The following ATP6V1G3 variants were observed in gnomAD, a reference collection of about 807,000 sequenced individuals.
The protein encoded by ATP6V1G3 is ATPase H+ transporting V1 subunit G3, also known as V-type proton ATPase subunit G 3.
A neutral mutation model predicts 9.3 loss-of-function variants in ATP6V1G3; 9 were observed. The observed-to-expected ratio is 0.97, with a 90% CI of 0.59 to 1.69. ATP6V1G3 has a LOEUF of 1.69. Among genes scored for constraint, ATP6V1G3 ranks in the 40% most tolerant of loss-of-function variants. The pLI is 0.00. For missense variants in ATP6V1G3, 133 were observed against 139.0 expected (o/e 0.96, Z 0.22); for synonymous variants, 43 against 43.8 (o/e 0.98, Z 0.07).
At chr1:198,536,180 T>C (rs1660105037) in intron 1 of ATP6V1G3, among the ~76,000 whole-genome samples, 1 of 152,198 alleles carries the variant, frequency 6.6e-6, no homozygotes, top group Non-Finnish European at 1.5e-5. Flanking sequence ...GATGTTGAAT[T>C]GCATGCATTT....
At chr1:198,539,043 T>C (rs1347805678) in intron 1 of ATP6V1G3, among the ~76,000 whole-genome samples, 3 of 152,292 alleles carry the variant, frequency 2.0e-5, no homozygotes, top group Non-Finnish European at 4.4e-5. Flanking sequence ...TTTCCACACT[T>C]CGTTGTAGAA....
At chr1:198,529,959 C>A (rs1659830111) in intron 1 of ATP6V1G3, among the ~76,000 whole-genome samples, 1 of 152,026 alleles carries the variant, frequency 6.6e-6, no homozygotes, top group South Asian at 2.1e-4. Context: ...CTGTGGTAAT[C>A]ATTAGCTGAG....
intron 1 of ATP6V1G3, among the ~76,000 whole-genome samples, chr1:198,537,033 T>G (rs1462236741): frequency 1.3e-5 from 2 of 152,208 alleles, no homozygotes; most frequent in African/African-American, 4.8e-5. Context: ...TTTTATACTC[T>G]ACTACTTCCC....
In ATP6V1G3 at chr1:198,530,116, A is replaced by G. The variant is rs556470312; in HGVS notation, c.83-935T>C. ...AAACTTTAAAGAAATTCTGAACTACATTAAAATTCTTTTTTTCTATGAATC... is the reference window on the plus strand; with the variant it reads ...AAACTTTAAAGAAATTCTGAACTACGTTAAAATTCTTTTTTTCTATGAATC... On this transcript the variant is annotated intron_variant, in intron 1 of 2. Coordinates refer to ENST00000367382, the MANE Select transcript of ATP6V1G3 (RefSeq NM_001376861.1). Among the ~76,000 whole-genome samples, 4 of 152,306 alleles carry G rather than the reference A, an allele frequency of 2.6e-5. No individual in the cohort carries two copies. The East Asian group carries it at 7.7e-4, about 29-fold the overall frequency.
chr1:198,528,839 A>G (rs1185091217), intron 2 of ATP6V1G3, among the ~76,000 whole-genome samples: 1 of 151,848 alleles, frequency 6.6e-6, no homozygotes. Flanking sequence ...TTTTTAATAT[A>G]TACTATATAT....
At chr1:198,526,560 A>C (rs1295090275) in intron 2 of ATP6V1G3, among the ~76,000 whole-genome samples, 2 of 152,200 alleles carry the variant, frequency 1.3e-5, no homozygotes, top group Non-Finnish European at 2.9e-5. Flanking sequence ...TCAAAATGTC[A>C]GTGTTGAAAC....
intron 1 of ATP6V1G3, among the ~76,000 whole-genome samples, chr1:198,532,752 C>T (rs1392379561): frequency 6.6e-6 from 1 of 152,096 alleles, no homozygotes; most frequent in Admixed American, 6.6e-5. Context: ...AAGGGTCCTC[C>T]AGGCAGAGGG....
At chr1:198,533,218 C>T (rs1659976384) in intron 1 of ATP6V1G3, among the ~76,000 whole-genome samples, 1 of 151,266 alleles carries the variant, frequency 6.6e-6, no homozygotes, top group East Asian at 1.9e-4. Flanking sequence ...GCAGGAGAAT[C>T]GCTTGAACCC....
rs142697153 is a variant in ATP6V1G3 at position 198,527,377 on chromosome 1, A to T, written c.183+1704T>A. 4.5e-3 allele frequency among the ~76,000 whole-genome samples: 681 copies of T among 152,262 alleles called. 7 individuals are homozygous for T. Among genetic ancestry groups the T allele is most frequent in the African/African-American group, 0.016 (653 of 41,574 alleles). ...GATGAGGAGTTTTGATTATTTAATT[A>T]TTAACCAAAGCAGAAAACAAATAAC... On this transcript the variant is annotated intron_variant, in intron 2 of 2. Transcript: ENST00000367382.
chr1:198,532,303 A>T (rs896064407), intron 1 of ATP6V1G3, among the ~76,000 whole-genome samples: 2 of 152,196 alleles, frequency 1.3e-5, no homozygotes, highest in African/African-American at 4.8e-5. Context: ...GGAAGGTTGG[A>T]AGGAGCCAGT....
intron 1 of ATP6V1G3, among the ~76,000 whole-genome samples, chr1:198,532,343 G>A (rs1659935135): frequency 6.6e-6 from 1 of 152,150 alleles, no homozygotes; most frequent in Admixed American, 6.6e-5. Context: ...GAAACCAAAA[G>A]ACAGAAGAGA....
chr1:198,531,985 G>T (rs950278046), intron 1 of ATP6V1G3, among the ~76,000 whole-genome samples: 3 of 152,060 alleles, frequency 2.0e-5, no homozygotes, highest in South Asian at 2.1e-4. Context: ...AAAAAAAAAG[G>T]CAAGGGGTAA....
Position 198,529,194 on chromosome 1 carries a change from A to AT in ATP6V1G3, c.83-14_83-13insA. On this transcript the variant is annotated splice_polypyrimidine_tract_variant and intron_variant, in intron 1 of 2. Transcript: ENST00000367382. Reference sequence around the variant, plus strand: ...CGCTTTCCTTTTCCTGAAAATTAACAAATATATATATATATATATATAATT... The same window carrying AT: ...CGCTTTCCTTTTCCTGAAAATTAACATAATATATATATATATATATATAATT... The AT allele has an allele frequency of 1.5e-5, 9 of 617,954 alleles. No homozygotes were observed. Among genetic ancestry groups the AT allele is most frequent in the Non-Finnish European group, 1.7e-5 (7 of 422,362 alleles). The allele number at this position is 617,954 out of a possible 1,614,324, so 38.3% of individuals were successfully genotyped here. A position where few individuals can be genotyped will look rare whatever the true frequency, so the allele number is the denominator to read the frequency against.
chr1:198,526,031 T>C (rs537998434), intron 2 of ATP6V1G3, among the ~76,000 whole-genome samples: 1 of 152,170 alleles, frequency 6.6e-6, no homozygotes, highest in South Asian at 2.1e-4. Context: ...TCAGAAACAT[T>C]GTAATACCCT....
At chr1:198,539,674 T>C (rs151213051) in intron 1 of ATP6V1G3, among the ~76,000 whole-genome samples, 3 of 152,378 alleles carry the variant, frequency 2.0e-5, no homozygotes, top group Admixed American at 1.3e-4. Flanking sequence ...ACAAGTTGTA[T>C]AATTTCTCTA....
chr1:198,533,353 A>T (rs1659984100), intron 1 of ATP6V1G3, among the ~76,000 whole-genome samples: 1 of 151,972 alleles, frequency 6.6e-6, no homozygotes, highest in Non-Finnish European at 1.5e-5. Flanking sequence ...TAGAAAATAC[A>T]CTATAGGGGT....
At chr1:198,530,937 A>G (rs904721786) in intron 1 of ATP6V1G3, among the ~76,000 whole-genome samples, 1 of 151,650 alleles carries the variant, frequency 6.6e-6, no homozygotes, top group Non-Finnish European at 1.5e-5. Flanking sequence ...ATGCCTCACT[A>G]CTCTCCATCT....
rs767559300 is a variant in ATP6V1G3 at position 198,523,359 on chromosome 1, C to G, written c.*32G>C. The G allele has an allele frequency of 6.3e-7, 1 of 1,596,088 alleles. No homozygotes were observed. The highest frequency in any genetic ancestry group is 2.2e-5 in the East Asian group (1 of 44,542). On this transcript the variant is annotated 3_prime_UTR_variant, in exon 3 of 3. Transcript: ENST00000367382. The stretch of plus-strand genomic sequence containing the variant: ...TAAGCAACCAGGTGGCACTCACACA[C>G]CTTTTTTTTTCTTGAAAACTGTGAT...
intron 1 of ATP6V1G3, among the ~76,000 whole-genome samples, chr1:198,532,586 G>A (rs1041796898): frequency 2.6e-5 from 4 of 152,136 alleles, no homozygotes; most frequent in Admixed American, 2.0e-4. Flanking sequence ...GGATGATGGT[G>A]AAGAAGAAAG....
Sources: allele counts gnomAD v4.1 joint callset (sites outside exome capture counted in the v4.1 genomes callset), GRCh38; gene constraint gnomAD v4.1.1; transcripts MANE v1.5; gene names NCBI Gene and HGNC (gene_info 2026-07-23, HGNC 2026-07-21).